RCHY1: variants seen among roughly 807,000 people sequenced by gnomAD.
RCHY1 encodes the protein RING finger and CHY zinc finger domain-containing protein 1.
Under a neutral mutation model 41.6 loss-of-function variants are expected in RCHY1, and 21 were observed. That is an observed-to-expected ratio of 0.51 (90% CI 0.36 to 0.73). RCHY1 has a LOEUF of 0.73. Among genes scored for constraint, RCHY1 ranks in the 30% least tolerant of loss-of-function variants. RCHY1 has a pLI of 0.00. For synonymous variants in RCHY1, 79 were observed against 102.9 expected (o/e 0.77, Z 1.41); for missense variants, 265 against 325.3 (o/e 0.81, Z 1.43).
chr4:75,490,483 GTA>G, intron 8 of RCHY1, 96 bp downstream of exon 8: 3 of 864,838 alleles, frequency 3.5e-6, no homozygotes, highest in Non-Finnish European at 5.3e-6. Context: ...TGTCAAACCA[GTA>G]TATATATATT....
At chr4:75,495,910 C>G (rs1723163013) in intron 3 of RCHY1, among the ~76,000 whole-genome samples, 1 of 152,100 alleles carries the variant, frequency 6.6e-6, no homozygotes, top group Non-Finnish European at 1.5e-5. Flanking sequence ...TATATACACA[C>G]ACACATATTT....
intron 3 of RCHY1, among the ~76,000 whole-genome samples, chr4:75,500,297 C>T (rs1033542614): frequency 2.6e-5 from 4 of 152,284 alleles, no homozygotes; most frequent in African/African-American, 7.2e-5. Flanking sequence ...TTCTGCTATG[C>T]GACTCTGTCT....
chr4:75,493,674 A>G (rs953889527), intron 4 of RCHY1, among the ~76,000 whole-genome samples: 2 of 151,916 alleles, frequency 1.3e-5, no homozygotes, highest in African/African-American at 4.8e-5. Flanking sequence ...GGATTGTGAC[A>G]TAATTCCTAC....
intron 3 of RCHY1, 52 bp downstream of exon 3, chr4:75,508,765 CTAT>C: frequency 1.0e-6 from 1 of 982,402 alleles, no homozygotes. Context: ...ATTTTAAAAA[CTAT>C]TATTGCATAT....
At chr4:75,501,135 G>A (rs372596588) in intron 3 of RCHY1, among the ~76,000 whole-genome samples, 19 of 152,046 alleles carry the variant, frequency 1.2e-4, no homozygotes, top group Non-Finnish European at 2.1e-4. Context: ...TCAGCCCCCC[G>A]AATAGCTGGG....
At chr4:75,500,888 T>C (rs1723682625) in intron 3 of RCHY1, among the ~76,000 whole-genome samples, 2 of 152,114 alleles carry the variant, frequency 1.3e-5, no homozygotes, top group Non-Finnish European at 2.9e-5. Context: ...CAAACAAAAA[T>C]ACAGGAATTA....
At chr4:75,487,485 CATATATATTCATAAT>C (rs1277521695) in intron 8 of RCHY1, among the ~76,000 whole-genome samples, 138 of 89,132 alleles carry the variant, frequency 1.5e-3, no homozygotes, top group Middle Eastern at 8.3e-3. Context: ...TATATATAGT[CATATATATTCATAAT>C]ATATATATTC....
chr4:75,494,409 AGAG>A (rs1013095961), intron 3 of RCHY1: 2 of 412,850 alleles, frequency 4.8e-6, no homozygotes, highest in African/African-American at 4.2e-5. Flanking sequence ...AATTGCAAAA[AGAG>A]AGAAACACAG....
intron 8 of RCHY1, among the ~76,000 whole-genome samples, chr4:75,483,249 A>G (rs781372878): frequency 2.0e-5 from 3 of 152,200 alleles, no homozygotes; most frequent in Admixed American, 6.5e-5. Context: ...CTAAGTAAGA[A>G]CCTGAAAAAT....
chr4:75,509,129 C>T (rs747445375), intron 2 of RCHY1, 48 bp downstream of exon 2: 18 of 1,559,512 alleles, frequency 1.2e-5, no homozygotes, highest in Admixed American at 3.7e-5. Flanking sequence ...TTTCAAACCA[C>T]CTTAATACAG....
At chr4:75,513,595 C>T (rs1003228522) in intron 1 of RCHY1, among the ~76,000 whole-genome samples, 5 of 152,028 alleles carry the variant, frequency 3.3e-5, no homozygotes, top group African/African-American at 9.7e-5. Context: ...CAATTGAATA[C>T]GTGCCAATTT....
intron 8 of RCHY1, 81 bp from the exon 9 acceptor site, chr4:75,482,747 T>G (rs1424018015): frequency 2.1e-6 from 2 of 971,158 alleles, no homozygotes; most frequent in Admixed American, 3.3e-5. Flanking sequence ...CCCTTGAAAA[T>G]CATATTAAAG....
At chr4:75,504,018 C>T (rs371938310) in intron 3 of RCHY1, among the ~76,000 whole-genome samples, 2 of 152,186 alleles carry the variant, frequency 1.3e-5, no homozygotes, top group Admixed American at 6.5e-5. Flanking sequence ...AACCAAATTA[C>T]GACTCTCAAA....
At chr4:75,512,457 C>T (rs1428351852) in intron 1 of RCHY1, among the ~76,000 whole-genome samples, 1 of 152,152 alleles carries the variant, frequency 6.6e-6, no homozygotes, top group Non-Finnish European at 1.5e-5. Context: ...AAGGCCAACT[C>T]CTTCACTTGT....
intron 8 of RCHY1, among the ~76,000 whole-genome samples, chr4:75,484,654 T>C (rs1721830952): frequency 6.6e-6 from 1 of 152,208 alleles, no homozygotes; most frequent in African/African-American, 2.4e-5. Flanking sequence ...CTGAGCAATC[T>C]ACCTTCTGGC....
At chr4:75,512,482 C>T (rs62318632) in intron 1 of RCHY1, among the ~76,000 whole-genome samples, 46,929 of 151,968 alleles carry the variant, frequency 0.31, 7,622 homozygotes, top group Non-Finnish European at 0.35. Flanking sequence ...TGGATTTCAT[C>T]CCCTTTGGCT....
At position 75,479,844 on chromosome 4, in the gene RCHY1, T is replaced by C. The variant is rs1375578526; in HGVS notation, c.*2694A>G. 1 of 152,206 alleles carries C rather than the reference T, an allele frequency of 6.6e-6. No homozygotes were observed. Among genetic ancestry groups the C allele is most frequent in the East Asian group, 1.9e-4 (1 of 5,202 alleles). 9.4% of individuals were successfully genotyped at this position (152,206 alleles called of 1,614,324 possible). On this transcript the variant is annotated 3_prime_UTR_variant, in exon 9 of 9. Transcript: ENST00000324439. ...GATCTGTCTAAGTATTTAACATTCCTGTAAGCATTATAAAAAAGAATAGGA... is the reference window on the plus strand; with the variant it reads ...GATCTGTCTAAGTATTTAACATTCCCGTAAGCATTATAAAAAAGAATAGGA...
intron 8 of RCHY1, among the ~76,000 whole-genome samples, chr4:75,485,770 C>G (rs1054022295): frequency 4.6e-5 from 7 of 152,156 alleles, no homozygotes; most frequent in African/African-American, 1.7e-4. Flanking sequence ...TAAAAGCCAG[C>G]AAATGAGAAT....
At chr4:75,511,927 T>C (rs556669633) in intron 1 of RCHY1, among the ~76,000 whole-genome samples, 2 of 152,100 alleles carry the variant, frequency 1.3e-5, no homozygotes, top group Admixed American at 6.5e-5. Context: ...TGAAAACCAA[T>C]GCTACAGAAC....
Sources: allele counts gnomAD v4.1 joint callset (sites outside exome capture counted in the v4.1 genomes callset), GRCh38; gene constraint gnomAD v4.1.1; transcripts MANE v1.5; gene names NCBI Gene and HGNC (gene_info 2026-07-23, HGNC 2026-07-21).